DCAF1: variants seen among roughly 807,000 people sequenced by gnomAD.
DCAF1 encodes DDB1 and CUL4 associated factor 1.
In DCAF1, 15 loss-of-function variants were observed where a neutral mutation model predicts 128.0. The observed-to-expected ratio is 0.12, with a 90% CI of 0.08 to 0.18. DCAF1 has a LOEUF of 0.18. Ranked by LOEUF, DCAF1 falls within the 10% of genes least tolerant of loss-of-function variation. The pLI is 1.00. For missense variants in DCAF1, 988 were observed against 1,649.5 expected (o/e 0.60, Z 6.95); for synonymous variants, 610 against 603.0 (o/e 1.01, Z -0.17).
In DCAF1 at chr3:51,419,991, C is replaced by A; in HGVS notation, c.2979G>T (p.Gln993His). 6.2e-7 allele frequency: 1 copy of A among 1,614,018 alleles called. No individual in the cohort carries two copies. Among genetic ancestry groups the A allele is most frequent in the Non-Finnish European group, 8.5e-7 (1 of 1,179,900 alleles). ...GTGGGGAAGGAAGATGTCTGTCCAG[C>A]TGTTTTTTTATGGCTGGGCTTTGGC... ...AYSQSPAIKK[Q>H]LDRHLPSPPT... The change falls in exon 15 of 25, where the codon CAG (glutamine) becomes CAT (histidine). Residue 993 changes from glutamine to histidine, a missense_variant. By Grantham distance (24) the Gln-to-His change is conservative. Coordinates refer to ENST00000684031, the MANE Select transcript of DCAF1 (RefSeq NM_001387579.1).
downstream of DCAF1, chr3:51,396,103 T>C (rs1301640893): frequency 2.2e-5 from 9 of 410,004 alleles, no homozygotes; most frequent in Non-Finnish European, 4.0e-5. Context: ...CCTTGGTATG[T>C]TGTTAAGTCC....
Position 51,458,185 on chromosome 3 carries a change from C to T in DCAF1, c.375+4929G>A, listed in dbSNP as rs551679523. Among the ~76,000 whole-genome samples the T allele has an allele frequency of 1.2e-3, 190 of 152,188 alleles. 1 individual carries two copies. The highest frequency in any genetic ancestry group is 2.1e-3 in the Non-Finnish European group (143 of 68,026). ...AGGAAACCCATCTCACATGCAGACACACACATAGGCTCAAAAGAAAGGGAT... is the reference window on the plus strand; with the variant it reads ...AGGAAACCCATCTCACATGCAGACATACACATAGGCTCAAAAGAAAGGGAT... On this transcript the variant is annotated intron_variant, in intron 6 of 24. Coordinates refer to ENST00000684031, the MANE Select transcript of DCAF1 (RefSeq NM_001387579.1).
chr3:51,400,396 C>T (rs1160921929), intron 24 of DCAF1, among the ~76,000 whole-genome samples: 5 of 152,170 alleles, frequency 3.3e-5, no homozygotes, highest in African/African-American at 1.2e-4. Flanking sequence ...CTCCACAAGC[C>T]AACAATGCCA....
chr3:51,424,118 T>C lies in DCAF1; in HGVS notation c.1848-1687A>G, dbSNP rs138234361. Among the ~76,000 whole-genome samples the C allele has an allele frequency of 4.9e-3, 749 of 152,250 alleles. 4 individuals are homozygous for C. Among genetic ancestry groups the C allele is most frequent in the Non-Finnish European group, 7.8e-3 (531 of 68,028 alleles). Reference sequence around the variant, plus strand: ...GGCAAGAAAGTAGAGAAATGTTGGATGTCTTTTGTAGTTAAAAAAGAAAAA... The same window carrying C: ...GGCAAGAAAGTAGAGAAATGTTGGACGTCTTTTGTAGTTAAAAAAGAAAAA... On this transcript the variant is annotated intron_variant, in intron 13 of 24. Coordinates refer to ENST00000684031, the MANE Select transcript of DCAF1 (RefSeq NM_001387579.1).
rs532349356 is a variant in DCAF1 at position 51,481,551 on chromosome 3, C to T, written c.110+2168G>A. ...TACTAAAAAAAACAGAAAAATTAGC[C>T]GAGCATGGTGGCTTATGCCTGTAAT... is the stretch of plus-strand genomic sequence containing the variant. On this transcript the variant is annotated intron_variant, in intron 3 of 24. Coordinates refer to ENST00000684031, the MANE Select transcript of DCAF1 (RefSeq NM_001387579.1). Among the ~76,000 whole-genome samples the T allele has an allele frequency of 5.9e-5, 9 of 151,728 alleles. No individual in the cohort carries two copies. The South Asian group carries it at 8.3e-4, about 14-fold the overall frequency.
rs1015974723 is a variant in DCAF1, at chr3:51,490,358, T to G, written c.-9+6376A>C. Among the ~76,000 whole-genome samples, 5 of 152,146 alleles carry G rather than the reference T, an allele frequency of 3.3e-5. No homozygotes were observed. The East Asian group carries it at 7.8e-4, about 24-fold the overall frequency. On this transcript the variant is annotated intron_variant, in intron 2 of 24. Transcript: ENST00000684031. ...AGGTGGGAGAATCACCTGAGCCCAG[T>G]AAGTTGAGGCTGCAGTGAACCAAGA... is the stretch of plus-strand genomic sequence containing the variant.
intron 1 of DCAF1, among the ~76,000 whole-genome samples, chr3:51,498,559 T>C (rs75429084): frequency 0.067 from 10,214 of 151,864 alleles, 901 homozygotes; most frequent in East Asian, 0.33. Flanking sequence ...CTGAGACCAC[T>C]GTCTCTATAA....
At chr3:51,439,137 T>C (rs1264766393) in intron 9 of DCAF1, among the ~76,000 whole-genome samples, 1 of 152,054 alleles carries the variant, frequency 6.6e-6, no homozygotes, top group African/African-American at 2.4e-5. Context: ...AGGGTCTGCC[T>C]GTTTTGTTTT....
intron 24 of DCAF1, 27 bp from the exon 25 acceptor site, chr3:51,398,854 A>G: frequency 6.4e-7 from 1 of 1,570,034 alleles, no homozygotes; most frequent in East Asian, 2.3e-5. Context: ...GGGAGAGACA[A>G]GATTACACAC....
At chr3:51,466,516 T>C (rs1704144768) in intron 5 of DCAF1, among the ~76,000 whole-genome samples, 3 of 152,196 alleles carry the variant, frequency 2.0e-5, no homozygotes, top group African/African-American at 7.2e-5. Context: ...AGAATCATGC[T>C]GTATGCATCA....
chr3:51,403,169 T>C lies in DCAF1; in HGVS notation c.4439A>G (p.Glu1480Gly). The C allele has an allele frequency of 6.2e-7, 1 of 1,613,780 alleles. No individual in the cohort carries two copies. Reference protein sequence around the residue: ...DGEDEDSDADEEVELILGDTD... With the variant: ...DGEDEDSDADGEVELILGDTD... ...GTCCCCCAGGATCAGTTCCACCTCC[T>C]CATCTGCATCAGAGTCTTCATCCTC... The change falls in exon 24 of 25, where the codon GAG becomes GGG. Residue 1480 changes from glutamate to glycine, a missense_variant. Glu to Gly is a moderately conservative substitution (Grantham distance 98). This residue lies in a region of DCAF1 where 97 missense variants were observed against 134.5 expected (regional missense o/e 0.72). Coordinates refer to ENST00000684031, the MANE Select transcript of DCAF1 (RefSeq NM_001387579.1).
intron 6 of DCAF1, among the ~76,000 whole-genome samples, chr3:51,444,868 G>C (rs1467993767): frequency 6.7e-6 from 1 of 149,050 alleles, no homozygotes; most frequent in African/African-American, 2.5e-5. Context: ...GTAGAGACGG[G>C]GTTTCACCGT....
chr3:51,452,390 T>C (rs1702447030), intron 6 of DCAF1, among the ~76,000 whole-genome samples: 1 of 152,128 alleles, frequency 6.6e-6, no homozygotes, highest in Admixed American at 6.5e-5. Flanking sequence ...AAAAGCTGCA[T>C]AGGATACTTC....
chr3:51,487,793 A>T (rs560737122), intron 2 of DCAF1, among the ~76,000 whole-genome samples: 1 of 151,730 alleles, frequency 6.6e-6, no homozygotes, highest in Non-Finnish European at 1.5e-5. Context: ...TTCCTGCCTC[A>T]GCCTCCCAAA....
chr3:51,439,977 G>A (rs376567247), intron 9 of DCAF1, among the ~76,000 whole-genome samples: 1 of 152,162 alleles, frequency 6.6e-6, no homozygotes, highest in East Asian at 1.9e-4. Flanking sequence ...GGGCAACAGA[G>A]CGAGACTCCA....
At chr3:51,486,034 T>C (rs1706913179) in intron 2 of DCAF1, among the ~76,000 whole-genome samples, 1 of 151,686 alleles carries the variant, frequency 6.6e-6, no homozygotes, top group African/African-American at 2.4e-5. Flanking sequence ...TGGGACTACA[T>C]GCTTGTACCA....
At chr3:51,485,088 GTAT>G (rs1553654778) in intron 2 of DCAF1, among the ~76,000 whole-genome samples, 2 of 151,942 alleles carry the variant, frequency 1.3e-5, no homozygotes, top group Non-Finnish European at 2.9e-5. Context: ...GCTAATTTTT[GTAT>G]TTTAGTAGAA....
the DCAF1 span, among the ~76,000 whole-genome samples, chr3:51,505,224 A>C: frequency 6.6e-6 from 1 of 152,074 alleles, no homozygotes; most frequent in African/African-American, 2.4e-5. Flanking sequence ...AGATCACACC[A>C]CTGCACTCCA....
chr3:51,489,186 C>A (rs1234143399), intron 2 of DCAF1, among the ~76,000 whole-genome samples: 1 of 152,094 alleles, frequency 6.6e-6, no homozygotes, highest in African/African-American at 2.4e-5. Flanking sequence ...GTAATCCCGG[C>A]GCTTTGGGAG....
Sources: gnomAD v4.1 joint callset for allele counts (sites outside exome capture counted in the v4.1 genomes callset) on GRCh38, gnomAD v4.1.1 for gene constraint, gnomAD v4.1.1 regional missense constraint, MANE v1.5 for transcripts, NCBI Gene and HGNC (gene_info 2026-07-23, HGNC 2026-07-21) for gene names.